Variants in ATP13A4 observed in about 807,000 individuals in gnomAD.
ATP13A4 encodes the protein probable cation-transporting ATPase 13A4.
A neutral mutation model predicts 142.5 loss-of-function variants in ATP13A4; 114 were observed. That is an observed-to-expected ratio of 0.80 (90% CI 0.69 to 0.93). The LOEUF (loss-of-function observed/expected upper bound fraction) is 0.93, where lower values mean the gene tolerates loss of function less well. Among genes scored for constraint, ATP13A4 ranks in the 40% least tolerant of loss-of-function variants. The pLI, the probability that ATP13A4 is intolerant of heterozygous loss-of-function variation, is 0.00. For synonymous variants in ATP13A4, 488 were observed against 514.8 expected, an observed-to-expected ratio of 0.95 and a Z score of 0.70; for missense variants, 1,392 against 1,454.0, an observed-to-expected ratio of 0.96 and a Z score of 0.69.
chr3:193,580,234 T>C (rs942620787), intron 2 of ATP13A4, among the ~76,000 whole-genome samples: 1 of 152,188 alleles, frequency 6.6e-6, no homozygotes, highest in Non-Finnish European at 1.5e-5. Context: ...AATTTTGTCT[T>C]CTCTAAATGC....
At chr3:193,538,025 T>C (rs1223095635) in intron 1 of ATP13A4, among the ~76,000 whole-genome samples, 1 of 152,170 alleles carries the variant, frequency 6.6e-6, no homozygotes, top group East Asian at 1.9e-4. Flanking sequence ...GGAAACATTC[T>C]GTGTCTTGAC....
At chr3:193,408,906 A>G (rs890770120) in intron 28 of ATP13A4, among the ~76,000 whole-genome samples, 2 of 152,202 alleles carry the variant, frequency 1.3e-5, no homozygotes, top group Non-Finnish European at 2.9e-5. Flanking sequence ...AATCTCTTGC[A>G]TAACTAAACT....
At chr3:193,458,393 G>A (rs1044311858) in intron 14 of ATP13A4, among the ~76,000 whole-genome samples, 9 of 152,114 alleles carry the variant, frequency 5.9e-5, no homozygotes, top group African/African-American at 2.2e-4. Context: ...GTCTTGTTTT[G>A]TGTTATGTGA....
chr3:193,588,683 A>G (rs1179175919), intron 1 of ATP13A4, among the ~76,000 whole-genome samples: 1 of 151,982 alleles, frequency 6.6e-6, no homozygotes, highest in Non-Finnish European at 1.5e-5. Context: ...AGCCCACTTT[A>G]TGACACTATA....
chr3:193,540,546 A>C (rs909693333), intron 1 of ATP13A4, among the ~76,000 whole-genome samples: 3 of 151,418 alleles, frequency 2.0e-5, no homozygotes, highest in Non-Finnish European at 4.4e-5. Context: ...AAAAAAAAAA[A>C]AAAAAAAACC....
chr3:193,459,346 A>G lies in ATP13A4; in HGVS notation c.1524-115T>C, dbSNP rs186585673. On this transcript the variant is annotated intron_variant, in intron 13 of 29. Coordinates refer to ENST00000342695, the MANE Select transcript of ATP13A4 (RefSeq NM_032279.4). ...TAATTTAATATGCTTTGTTGCATTA[A>G]TAGCCACTCTCCAATCCTCCCACAT... The G allele has an allele frequency of 5.3e-4, 692 of 1,295,004 alleles. 2 individuals carry two copies. In the African/African-American group the frequency reaches 9.1e-3, roughly 17 times the overall value. The allele number at this position is 1,295,004 out of a possible 1,614,324, so 80.2% of individuals were successfully genotyped here.
upstream of ATP13A4, chr3:193,555,080 C>T: frequency 6.5e-6 from 4 of 619,560 alleles, no homozygotes; most frequent in Middle Eastern, 5.3e-4. Flanking sequence ...GCTCCCATGC[C>T]GATCTTTTTG....
At chr3:193,537,349 C>T (rs763398602) in intron 1 of ATP13A4, among the ~76,000 whole-genome samples, 2 of 151,988 alleles carry the variant, frequency 1.3e-5, no homozygotes, top group African/African-American at 2.4e-5. Context: ...ATAGAATTTT[C>T]AACAAATGGC....
chr3:193,571,006 G>A (rs1724250484), intron 2 of ATP13A4, among the ~76,000 whole-genome samples: 1 of 152,282 alleles, frequency 6.6e-6, no homozygotes, highest in Admixed American at 6.5e-5. Context: ...GGCCAGGTGT[G>A]GTAGCTCATG....
intron 2 of ATP13A4, among the ~76,000 whole-genome samples, chr3:193,514,418 T>C (rs902401671): frequency 6.6e-6 from 1 of 152,222 alleles, no homozygotes; most frequent in Admixed American, 6.5e-5. Context: ...GATTTCGTTC[T>C]TTATTATGGC....
chr3:193,407,573 C>T (rs1232889537), intron 28 of ATP13A4, among the ~76,000 whole-genome samples, 180 bp from the exon 29 acceptor site: 2 of 151,928 alleles, frequency 1.3e-5, no homozygotes, highest in Admixed American at 6.6e-5. Context: ...AGAAAAAGTA[C>T]GGAAAGGTTA....
In ATP13A4 at chr3:193,400,334, G is replaced by C. The variant is rs929960615; in HGVS notation, c.*2318C>G. Among the ~76,000 whole-genome samples, 3 of 152,198 alleles carry C rather than the reference G, an allele frequency of 2.0e-5. No homozygotes were observed. Among genetic ancestry groups the C allele is most frequent in the Admixed American group, 6.5e-5 (1 of 15,276 alleles). On this transcript the variant is annotated 3_prime_UTR_variant, in exon 30 of 30. Coordinates refer to ENST00000342695, the MANE Select transcript of ATP13A4 (RefSeq NM_032279.4). ...CTAGATTCTTTTCTTCCTGTTCCCT[G>C]CCAGCCTTTGCTAGTGATAGAATCA... is the stretch of plus-strand genomic sequence containing the variant.
At chr3:193,530,566 AC>A (rs1722260361) in intron 1 of ATP13A4, among the ~76,000 whole-genome samples, 1 of 152,128 alleles carries the variant, frequency 6.6e-6, no homozygotes, top group Non-Finnish European at 1.5e-5. Flanking sequence ...CATCCATAAT[AC>A]TACCGCCTTA....
chr3:193,427,866 G>A (rs150875867), intron 25 of ATP13A4, among the ~76,000 whole-genome samples: 8,919 of 152,142 alleles, frequency 0.059, 463 homozygotes, highest in East Asian at 0.2. Context: ...ATACCATTCC[G>A]GACATAGGCA....
chr3:193,467,440 G>C lies in ATP13A4; in HGVS notation c.990C>G (p.Ser330Arg), dbSNP rs780531621. ...VTKTPLPKMD[S>R]SVPWKTQSEA... ...CACTCTGTGTTTTCCAGGGCACAGA[G>C]CTATCCATCTTGGGTAACGGAGTTT... The change falls in exon 10 of 30, where the codon AGC (serine) becomes AGG (arginine). Residue 330 changes from serine (S) to arginine (R), a missense_variant. By Grantham distance (110) the Ser-to-Arg change is moderately radical. Transcript: ENST00000342695. The C allele has an allele frequency of 1.2e-6, 2 of 1,613,948 alleles. No individual in the cohort carries two copies. Among genetic ancestry groups the C allele is most frequent in the Non-Finnish European group, 1.7e-6 (2 of 1,179,972 alleles).
chr3:193,481,987 A>G (rs1427765383), intron 8 of ATP13A4, among the ~76,000 whole-genome samples: 2 of 152,228 alleles, frequency 1.3e-5, no homozygotes, highest in Non-Finnish European at 2.9e-5. Context: ...AAAGGGCTCA[A>G]TAGTGTCAAA....
At chr3:193,550,942 T>C (rs1483541015) in intron 1 of ATP13A4, among the ~76,000 whole-genome samples, 2 of 152,134 alleles carry the variant, frequency 1.3e-5, no homozygotes, top group Non-Finnish European at 2.9e-5. Context: ...TCCTTCAAAA[T>C]AGAAATACAA....
At chr3:193,550,375 C>A (rs1053692831) in intron 1 of ATP13A4, among the ~76,000 whole-genome samples, 2 of 147,666 alleles carry the variant, frequency 1.4e-5, no homozygotes, top group African/African-American at 5.0e-5. Context: ...GATATGATCT[C>A]AGCTCACTGC....
chr3:193,491,141 G>T (rs182447689), intron 6 of ATP13A4, among the ~76,000 whole-genome samples, 188 bp downstream of exon 6: 7 of 152,270 alleles, frequency 4.6e-5, no homozygotes. Context: ...ATTGCATAAG[G>T]CAATGTGCAA....
Sources: allele counts gnomAD v4.1 joint callset (sites outside exome capture counted in the v4.1 genomes callset), GRCh38; gene constraint gnomAD v4.1.1; transcripts MANE v1.5; gene names NCBI Gene and HGNC (gene_info 2026-07-23, HGNC 2026-07-21).